ADGRV1: variants seen among roughly 807,000 people sequenced by gnomAD.
ADGRV1 encodes the protein adhesion G protein-coupled receptor V1.
ADGRV1 carries 359 observed loss-of-function variants against 596.2 expected under a neutral mutation model. The observed-to-expected ratio is 0.60, with a 90% CI of 0.55 to 0.66. The LOEUF (loss-of-function observed/expected upper bound fraction) is 0.66. ADGRV1 is among the 30% of genes least tolerant of loss of function. ADGRV1 has a pLI of 0.00. For synonymous variants in ADGRV1, 2,681 were observed against 2,679.2 expected (o/e 1.00, Z -0.02); for missense variants, 7,274 against 7,575.6 (o/e 0.96, Z 1.48).
intron 83 of ADGRV1, among the ~76,000 whole-genome samples, chr5:90,930,379 C>G (rs988456153): frequency 1.3e-5 from 2 of 152,074 alleles, no homozygotes; most frequent in Non-Finnish European, 2.9e-5. Flanking sequence ...AAAAAAAATA[C>G]GTATTTTTAT....
At chr5:91,050,332 T>G (rs1786204356) in intron 85 of ADGRV1, among the ~76,000 whole-genome samples, 2 of 152,172 alleles carry the variant, frequency 1.3e-5, no homozygotes. Context: ...AAATCTCAGT[T>G]TGGCTTCTAA....
At chr5:90,914,289 G>A (rs368966502) in intron 83 of ADGRV1, among the ~76,000 whole-genome samples, 160 of 152,076 alleles carry the variant, frequency 1.1e-3, no homozygotes, top group African/African-American at 3.6e-3. Flanking sequence ...TTCAGGTTAG[G>A]GATACTCAAC....
At chr5:91,138,169 A>T (rs1444130859) in intron 87 of ADGRV1, among the ~76,000 whole-genome samples, 1 of 152,078 alleles carries the variant, frequency 6.6e-6, no homozygotes, top group Non-Finnish European at 1.5e-5. Context: ...CATAAATCCA[A>T]CTTCAGCTCT....
At chr5:90,563,264 T>C (rs1281749835) in intron 1 of ADGRV1, among the ~76,000 whole-genome samples, 1 of 152,248 alleles carries the variant, frequency 6.6e-6, no homozygotes, top group Non-Finnish European at 1.5e-5. Context: ...CTAGCCAATT[T>C]GGTTACATGC....
At chr5:90,823,365 C>G in intron 75 of ADGRV1, 60 bp from the exon 76 acceptor site, 1 of 1,510,256 alleles carries the variant, frequency 6.6e-7, no homozygotes, top group Admixed American at 1.9e-5. Context: ...TGATAATAAA[C>G]TCTATTAGAC....
chr5:91,092,544 T>G (rs965096103), intron 86 of ADGRV1: 1 of 152,310 alleles, frequency 6.6e-6, no homozygotes, highest in Middle Eastern at 3.4e-3. Flanking sequence ...AAGGGTTCTA[T>G]AGCCAAACAA....
At chr5:90,890,959 T>C (rs1770764238) in intron 83 of ADGRV1, among the ~76,000 whole-genome samples, 1 of 151,976 alleles carries the variant, frequency 6.6e-6, no homozygotes, top group African/African-American at 2.4e-5. Context: ...TTAATATACT[T>C]TGTACAAAAC....
intron 89 of ADGRV1, among the ~76,000 whole-genome samples, chr5:91,161,650 T>A (rs1422952945): frequency 6.6e-6 from 1 of 152,130 alleles, no homozygotes; most frequent in Non-Finnish European, 1.5e-5. Flanking sequence ...GAAAGGAGTT[T>A]ATGAGTGTTT....
intron 85 of ADGRV1, among the ~76,000 whole-genome samples, chr5:91,002,733 A>G (rs1781949291): frequency 6.6e-6 from 1 of 151,956 alleles, no homozygotes; most frequent in Admixed American, 6.6e-5. Context: ...TGAGATCCCC[A>G]TGGGGCCTCA....
chr5:91,151,530 A>G (rs1467472227), intron 88 of ADGRV1, among the ~76,000 whole-genome samples: 1 of 152,210 alleles, frequency 6.6e-6, no homozygotes, highest in African/African-American at 2.4e-5. Context: ...AAGTTCTTAA[A>G]ATAGACTTAT....
At chr5:90,965,758 A>C (rs1352589199) in intron 84 of ADGRV1, among the ~76,000 whole-genome samples, 1 of 152,206 alleles carries the variant, frequency 6.6e-6, no homozygotes, top group Non-Finnish European at 1.5e-5. Context: ...GAAACAAGGG[A>C]GTGGTTAGAG....
At chr5:90,934,120 A>G (rs1337651569) in intron 83 of ADGRV1, among the ~76,000 whole-genome samples, 1 of 152,134 alleles carries the variant, frequency 6.6e-6, no homozygotes, top group Non-Finnish European at 1.5e-5. Flanking sequence ...GGAAGTTGGC[A>G]TAGTCTCACC....
chr5:90,697,478 A>G (rs927272213), intron 34 of ADGRV1, among the ~76,000 whole-genome samples: 1 of 147,620 alleles, frequency 6.8e-6, no homozygotes, highest in Non-Finnish European at 1.5e-5. Context: ...TGAGCTAATA[A>G]AGGTAAAGTG....
Position 90,628,793 on chromosome 5 carries a change from TACA to T in ADGRV1, c.1472_1474del (p.Thr491del). ...CTTATCTACTTCAAATTCTGCCTCATACAATACGAGGAGGTGCAGAAGTGAGCG... is the reference window on the plus strand; with the variant it reads ...CTTATCTACTTCAAATTCTGCCTCATATACGAGGAGGTGCAGAAGTGAGCG... On this transcript the variant is annotated inframe_deletion, in exon 8 of 90. Transcript: ENST00000405460. The T allele has an allele frequency of 6.2e-7, 1 of 1,614,022 alleles. No homozygotes were observed. The highest frequency in any genetic ancestry group is 2.2e-5 in the East Asian group (1 of 44,884).
Position 90,629,449 on chromosome 5 carries a change from C to T in ADGRV1, c.1749C>T (p.Leu583=). 1 of 1,613,570 alleles carries T rather than the reference C, an allele frequency of 6.2e-7. No individual in the cohort carries two copies. Among genetic ancestry groups the T allele is most frequent in the Non-Finnish European group, 8.5e-7 (1 of 1,179,732 alleles). ...GILNISRRND[L]IFPEQKTQVT... is the part of the protein sequence containing the mutation. The stretch of plus-strand genomic sequence containing the variant: ...TAAATATATCAAGGAGAAATGACCT[C>T]ATTTTTCCAGAGCAAAAAACTCAAG... Residue 583 remains leucine, a synonymous_variant, in exon 9 of 90, where the codon CTC becomes CTT. Coordinates refer to ENST00000405460, the MANE Select transcript of ADGRV1 (RefSeq NM_032119.4).
intron 1 of ADGRV1, among the ~76,000 whole-genome samples, chr5:90,607,963 T>TA (rs1372713599): frequency 1.3e-5 from 2 of 152,104 alleles, no homozygotes; most frequent in African/African-American, 4.8e-5. Context: ...AGATTTTTTT[T>TA]AAAATCAGTA....
chr5:90,815,532 A>G lies in ADGRV1; in HGVS notation c.16079-87A>G, dbSNP rs991132482. On this transcript the variant is annotated intron_variant, in intron 74 of 89. Transcript: ENST00000405460. ...CCACCTGTGAATTTCTCACTTTTAA[A>G]CCATCTGAGCTGGCAAGATTAGTGG... The G allele has an allele frequency of 1.2e-4, 80 of 693,996 alleles. No individual in the cohort carries two copies. The African/African-American group carries it at 1.3e-3, about 11-fold the overall frequency. 43.0% of individuals were successfully genotyped at this position (693,996 alleles called of 1,614,324 possible).
At chr5:90,929,839 T>C (rs1331762503) in intron 83 of ADGRV1, among the ~76,000 whole-genome samples, 2 of 152,222 alleles carry the variant, frequency 1.3e-5, no homozygotes, top group African/African-American at 4.8e-5. Flanking sequence ...AATATGTAGA[T>C]ATGTTTCTTT....
chr5:90,749,711 A>G (rs1755031272), intron 52 of ADGRV1, among the ~76,000 whole-genome samples: 1 of 152,222 alleles, frequency 6.6e-6, no homozygotes, highest in Non-Finnish European at 1.5e-5. Flanking sequence ...TATTGTAAGA[A>G]GAGATTCTTT....
Sources: gnomAD v4.1 joint callset for allele counts (sites outside exome capture counted in the v4.1 genomes callset) on GRCh38, gnomAD v4.1.1 for gene constraint, MANE v1.5 for transcripts, NCBI Gene and HGNC (gene_info 2026-07-23, HGNC 2026-07-21) for gene names.